The following CDH13 variants were observed in gnomAD, a reference collection of about 807,000 sequenced individuals.
The protein encoded by CDH13 is cadherin 13, also known as cadherin-13.
A neutral mutation model predicts 63.8 loss-of-function variants in CDH13; 24 were observed. That is an observed-to-expected ratio of 0.38 (90% confidence interval 0.27 to 0.53). The LOEUF is 0.53. Among genes scored for constraint, CDH13 ranks in the 20% least tolerant of loss-of-function variants. The pLI is 0.85. For synonymous variants in CDH13, 503 were observed against 355.3 expected (o/e 1.42, Z -4.67); for missense variants, 1,049 against 903.1 (o/e 1.16, Z -2.07).
intron 1 of CDH13, among the ~76,000 whole-genome samples, chr16:82,690,558 C>G (rs1045162694): frequency 2.0e-5 from 3 of 151,966 alleles, no homozygotes; most frequent in Non-Finnish European, 4.4e-5. Flanking sequence ...AGCACAGCCT[C>G]GTGGGCAGAA....
At chr16:83,723,413 C>T (rs1332244200) in intron 10 of CDH13, among the ~76,000 whole-genome samples, 1 of 152,242 alleles carries the variant, frequency 6.6e-6, no homozygotes, top group Non-Finnish European at 1.5e-5. Context: ...GCTTGGCCCT[C>T]TGTCTCCAAG....
At chr16:82,856,099 G>A (rs572761008) in intron 1 of CDH13, among the ~76,000 whole-genome samples, 419 of 152,098 alleles carry the variant, frequency 2.8e-3, no homozygotes, top group African/African-American at 9.7e-3. Flanking sequence ...AGCTGGGGCC[G>A]GGCACGGTGG....
chr16:83,139,484 A>G (rs1165365301), intron 4 of CDH13, among the ~76,000 whole-genome samples: 1 of 152,208 alleles, frequency 6.6e-6, no homozygotes, highest in East Asian at 1.9e-4. Flanking sequence ...AGTTTACACA[A>G]TTCACAGGCT....
intron 8 of CDH13, among the ~76,000 whole-genome samples, chr16:83,669,585 A>G (rs969716128): frequency 6.6e-6 from 1 of 152,114 alleles, no homozygotes; most frequent in African/African-American, 2.4e-5. Context: ...CTCTCCTTTT[A>G]TGGAAGACAA....
chr16:82,858,276 G>C (rs960228781), intron 1 of CDH13, 86 bp from the exon 2 acceptor site: 1 of 780,722 alleles, frequency 1.3e-6, no homozygotes, highest in Non-Finnish European at 2.2e-6. Flanking sequence ...ACCTCAGCTT[G>C]TTTCTAAAAG....
At chr16:83,598,666 T>C (rs1034852828) in intron 7 of CDH13, among the ~76,000 whole-genome samples, 3 of 152,152 alleles carry the variant, frequency 2.0e-5, no homozygotes, top group African/African-American at 7.2e-5. Context: ...TATTAGCTCA[T>C]AGAATTCACA....
chr16:83,300,799 C>T (rs1170792773), intron 5 of CDH13, among the ~76,000 whole-genome samples: 1 of 152,098 alleles, frequency 6.6e-6, no homozygotes, highest in African/African-American at 2.4e-5. Context: ...TATCCAGCTG[C>T]ATTCTTAAGA....
intron 2 of CDH13, among the ~76,000 whole-genome samples, chr16:82,949,368 C>T (rs1905065525): frequency 6.6e-6 from 1 of 152,152 alleles, no homozygotes; most frequent in Non-Finnish European, 1.5e-5. Context: ...ATATGGACCC[C>T]ACGCATACTG....
chr16:83,464,982 G>A (rs537660456), intron 6 of CDH13, among the ~76,000 whole-genome samples: 30 of 152,262 alleles, frequency 2.0e-4, no homozygotes, highest in African/African-American at 6.7e-4. Context: ...TCAAGTCTGG[G>A]AATGACACAG....
At chr16:83,114,277 T>C (rs1003574764) in intron 3 of CDH13, among the ~76,000 whole-genome samples, 4 of 152,200 alleles carry the variant, frequency 2.6e-5, no homozygotes, top group Non-Finnish European at 5.9e-5. Context: ...CTTTCATTAC[T>C]GGAGATGTTG....
At chr16:83,055,250 A>G (rs188915906) in intron 3 of CDH13, among the ~76,000 whole-genome samples, 1 of 151,932 alleles carries the variant, frequency 6.6e-6, no homozygotes, top group South Asian at 2.1e-4. Flanking sequence ...AACTCTAATA[A>G]AATGGAGGGA....
chr16:83,484,860 G>C (rs1407124032), intron 6 of CDH13, among the ~76,000 whole-genome samples: 1 of 152,204 alleles, frequency 6.6e-6, no homozygotes, highest in African/African-American at 2.4e-5. Flanking sequence ...TTTCACATCA[G>C]TTTCTGTATA....
chr16:82,911,534 C>T (rs563133594), intron 2 of CDH13, among the ~76,000 whole-genome samples: 2 of 152,178 alleles, frequency 1.3e-5, no homozygotes, highest in Non-Finnish European at 2.9e-5. Context: ...TCTTCTCTAA[C>T]TCTGTGTCTC....
chr16:83,503,011 C>T lies in CDH13; in HGVS notation c.960+16356C>T, dbSNP rs79865395. On this transcript the variant is annotated intron_variant, in intron 7 of 13. Transcript: ENST00000567109. ...GCCCTCACAAGGGCACAGCGGAGCT[C>T]GTTGGTTATGCTTCAGTTACATAAA... Among the ~76,000 whole-genome samples, 549 of 152,258 alleles carry T rather than the reference C, an allele frequency of 3.6e-3. 4 individuals carry two copies. The highest frequency in any genetic ancestry group is 0.013 in the African/African-American group (520 of 41,564).
At chr16:82,772,647 A>T (rs1421994588) in intron 1 of CDH13, among the ~76,000 whole-genome samples, 1 of 152,238 alleles carries the variant, frequency 6.6e-6, no homozygotes, top group African/African-American at 2.4e-5. Context: ...TACTTTGGCT[A>T]ATCTTCATAG....
intron 1 of CDH13, among the ~76,000 whole-genome samples, chr16:82,716,950 A>G (rs954634014): frequency 1.4e-4 from 21 of 151,978 alleles, no homozygotes; most frequent in African/African-American, 1.2e-4. Flanking sequence ...TAGAAGGGAC[A>G]ATTAGAGACT....
At chr16:83,757,002 A>T (rs1036498044) in intron 11 of CDH13, among the ~76,000 whole-genome samples, 7 of 152,260 alleles carry the variant, frequency 4.6e-5, no homozygotes, top group Admixed American at 6.5e-5. Context: ...AAGGAAAATT[A>T]CCTAAATTGT....
intron 1 of CDH13, among the ~76,000 whole-genome samples, chr16:82,746,783 G>A (rs1205005271): frequency 2.0e-5 from 3 of 152,098 alleles, no homozygotes; most frequent in Non-Finnish European, 4.4e-5. Flanking sequence ...GAAGTTGCAA[G>A]AGTCGTACCA....
chr16:83,142,766 G>A (rs1324077337), intron 4 of CDH13, among the ~76,000 whole-genome samples: 1 of 150,062 alleles, frequency 6.7e-6, no homozygotes, highest in Non-Finnish European at 1.5e-5. Flanking sequence ...CTGAATGAAT[G>A]GTCAAAAAAG....
Sources: allele counts gnomAD v4.1 joint callset (sites outside exome capture counted in the v4.1 genomes callset), GRCh38; gene constraint gnomAD v4.1.1; transcripts MANE v1.5; gene names NCBI Gene and HGNC (gene_info 2026-07-23, HGNC 2026-07-21).